Variants in OPHN1 observed in about 807,000 individuals in gnomAD.
The protein encoded by OPHN1 is oligophrenin 1.
In OPHN1, 11 loss-of-function variants were observed where a neutral mutation model predicts 60.7. That is an observed-to-expected ratio of 0.18 (90% CI 0.11 to 0.30). The LOEUF (loss-of-function observed/expected upper bound fraction) is 0.30, where lower values mean the gene tolerates loss of function less well. OPHN1 is among the 10% of genes least tolerant of loss of function. The probability of loss-of-function intolerance (pLI) is 1.00; values close to 1 mark genes in which losing one functional copy is unlikely to be tolerated. For missense variants in OPHN1, 449 were observed against 611.0 expected (o/e 0.73, Z 2.80); for synonymous variants, 226 against 222.6 (o/e 1.02, Z -0.14).
intron 15 of OPHN1, among the ~76,000 whole-genome samples, chrX:68,178,698 C>T (rs1362634096): frequency 2.7e-5 from 3 of 112,046 alleles, no homozygotes; most frequent in African/African-American, 9.7e-5. Context: ...GCCACTGCGC[C>T]CAGCCCAGGT....
At chrX:68,285,891 A>T (rs1228964823) in intron 3 of OPHN1, among the ~76,000 whole-genome samples, 1 of 110,657 alleles carries the variant, frequency 9.0e-6, no homozygotes, top group Non-Finnish European at 1.9e-5. Flanking sequence ...CTATCTCTTT[A>T]TTGATATTGT....
Position 68,127,992 on chromosome X carries a change from T to G in OPHN1, c.1277-8660A>C, listed in dbSNP as rs1289912846. On this transcript the variant is annotated intron_variant, in intron 15 of 24. Transcript: ENST00000355520. ...TAAACCTATTGGAAAGGAGATAGAATAATCATTATTTACCTATCATATAAC... is the reference window on the plus strand; with the variant it reads ...TAAACCTATTGGAAAGGAGATAGAAGAATCATTATTTACCTATCATATAAC... 2.7e-5 allele frequency among the ~76,000 whole-genome samples: 3 copies of G among 110,784 alleles called. No individual in the cohort carries two copies. The East Asian group carries it at 8.4e-4, about 31-fold the overall frequency.
At chrX:68,299,881 A>T (rs984134242) in intron 2 of OPHN1, among the ~76,000 whole-genome samples, 1 of 110,608 alleles carries the variant, frequency 9.0e-6, no homozygotes, top group African/African-American at 3.3e-5. Context: ...CAAGAGGTCC[A>T]ACCCAACTTT....
At chrX:68,416,057 TATATATATATAG>T (rs1342641587) in intron 2 of OPHN1, among the ~76,000 whole-genome samples, 424 of 7,813 alleles carry the variant, frequency 0.054, no homozygotes, top group African/African-American at 0.069. Flanking sequence ...TATATATATA[TATATATATATAG>T]AGAGAGAGAG....
At chrX:68,177,559 G>A (rs1170585875) in intron 15 of OPHN1, among the ~76,000 whole-genome samples, 1 of 110,442 alleles carries the variant, frequency 9.1e-6, no homozygotes, top group African/African-American at 3.3e-5. Context: ...GGTTTAATTG[G>A]CTCACGGTTC....
intron 19 of OPHN1, among the ~76,000 whole-genome samples, chrX:68,083,975 A>G (rs1171353077): frequency 1.8e-5 from 2 of 110,984 alleles, no homozygotes; most frequent in African/African-American, 6.6e-5. Flanking sequence ...CACTGAACGC[A>G]TATCACCACA....
intron 6 of OPHN1, among the ~76,000 whole-genome samples, chrX:68,233,167 A>G (rs990044263): frequency 9.0e-6 from 1 of 111,555 alleles, no homozygotes; most frequent in African/African-American, 3.3e-5. Context: ...ACCTCAAGAG[A>G]TCCACCTGCC....
chrX:68,397,520 A>ATTTTTT (rs1195025655), intron 2 of OPHN1, among the ~76,000 whole-genome samples: 1 of 22,961 alleles, frequency 4.4e-5, no homozygotes, highest in Non-Finnish European at 7.9e-5. Context: ...TTATTTATTT[A>ATTTTTT]TTTATTTTTT....
chrX:68,227,245 A>AGATTCATT (rs2147512461), intron 6 of OPHN1, among the ~76,000 whole-genome samples: 1 of 111,777 alleles, frequency 8.9e-6, no homozygotes, highest in East Asian at 2.8e-4. Flanking sequence ...AGGAGCACAC[A>AGATTCATT]GATTCATAAA....
intron 4 of OPHN1, among the ~76,000 whole-genome samples, chrX:68,280,990 A>G (rs1323270124): frequency 8.9e-6 from 1 of 112,196 alleles, no homozygotes; most frequent in Non-Finnish European, 1.9e-5. Flanking sequence ...GGAAAAGTCA[A>G]TATTTTTAAG....
chrX:68,264,724 C>T (rs977993338), intron 5 of OPHN1, among the ~76,000 whole-genome samples: 3 of 112,177 alleles, frequency 2.7e-5, no homozygotes, highest in African/African-American at 9.7e-5. Flanking sequence ...CAAAGCAGGG[C>T]GAGGCATTGC....
chrX:68,210,848 G>A (rs1036868800), intron 8 of OPHN1, among the ~76,000 whole-genome samples: 3 of 111,732 alleles, frequency 2.7e-5, no homozygotes, highest in African/African-American at 9.7e-5. Flanking sequence ...ACAATGGTAA[G>A]ACATGTGTTG....
intron 19 of OPHN1, among the ~76,000 whole-genome samples, chrX:68,083,054 CTTTTTTTTTTTTTT>C (rs869083899): frequency 1.9e-4 from 7 of 37,455 alleles, no homozygotes; most frequent in African/African-American, 4.6e-4. Context: ...CTGCTAGTTT[CTTTTTTTTTTTTTT>C]TTTTTTTTTT....
intron 6 of OPHN1, among the ~76,000 whole-genome samples, chrX:68,226,020 T>C (rs1321463480): frequency 9.0e-6 from 1 of 111,302 alleles, no homozygotes; most frequent in African/African-American, 3.3e-5. Flanking sequence ...ATAAACAGCA[T>C]AGAGAAGACC....
intron 21 of OPHN1, among the ~76,000 whole-genome samples, chrX:68,056,842 G>A (rs985713037): frequency 1.8e-5 from 2 of 111,367 alleles, no homozygotes; most frequent in South Asian, 3.8e-4. Context: ...CACACCCACT[G>A]CCTTTCCAGT....
intron 2 of OPHN1, among the ~76,000 whole-genome samples, chrX:68,423,395 G>A (rs920621519): frequency 9.1e-6 from 1 of 110,332 alleles, no homozygotes; most frequent in South Asian, 3.8e-4. Context: ...GGAAGATATA[G>A]GTATATAAGA....
At chrX:68,369,514 C>T (rs752463797) in intron 2 of OPHN1, among the ~76,000 whole-genome samples, 4 of 111,339 alleles carry the variant, frequency 3.6e-5, no homozygotes, top group Non-Finnish European at 7.5e-5. Flanking sequence ...GAAACTGTTC[C>T]TGAGGAAGTC....
intron 2 of OPHN1, among the ~76,000 whole-genome samples, chrX:68,317,585 GAAAGAGAGAGAAAGAAA>G: frequency 1.2e-5 from 1 of 81,233 alleles, no homozygotes; most frequent in African/African-American, 6.5e-5. Context: ...GAGAAAGAAA[GAAAGAGAGAGAAAGAAA>G]AAAGAAAGGA....
rs143678175 is a variant in OPHN1 at position 68,198,128 on chromosome X, C to T, written c.1026-864G>A. ...TACCTGCTGTGGTCTGAATATTCCC[C>T]AAAATTCATAGGTTGAAAGTTAACT... is the stretch of plus-strand genomic sequence containing the variant. On this transcript the variant is annotated intron_variant, in intron 11 of 24. Coordinates refer to ENST00000355520, the MANE Select transcript of OPHN1 (RefSeq NM_002547.3). 5.5e-3 allele frequency among the ~76,000 whole-genome samples: 609 copies of T among 111,463 alleles called. 5 individuals are homozygous for T. The highest frequency in any genetic ancestry group is 0.019 in the African/African-American group (582 of 30,642).
Sources: gnomAD v4.1 joint callset for allele counts (sites outside exome capture counted in the v4.1 genomes callset) on GRCh38, gnomAD v4.1.1 for gene constraint, MANE v1.5 for transcripts, NCBI Gene and HGNC (gene_info 2026-07-23, HGNC 2026-07-21) for gene names.